FAM171A1: variants seen among roughly 807,000 people sequenced by gnomAD.
FAM171A1 encodes the protein family with sequence similarity 171 member A1.
A neutral mutation model predicts 74.9 loss-of-function variants in FAM171A1; 23 were observed. That is an observed-to-expected ratio of 0.31 (90% CI 0.22 to 0.44). FAM171A1 has a LOEUF of 0.44. FAM171A1 is among the 20% of genes least tolerant of loss of function. The pLI is 1.00. For synonymous variants in FAM171A1, 527 were observed against 505.7 expected, an observed-to-expected ratio of 1.04 and a Z score of -0.57; for missense variants, 1,162 against 1,159.2, an observed-to-expected ratio of 1.00 and a Z score of -0.03.
At chr10:15,355,867 C>T (rs1835926410) in intron 1 of FAM171A1, among the ~76,000 whole-genome samples, 1 of 151,884 alleles carries the variant, frequency 6.6e-6, no homozygotes, top group Non-Finnish European at 1.5e-5. Flanking sequence ...CCTTCTTTAC[C>T]CAGACACACA....
chr10:15,306,832 A>C (rs1835301421), intron 1 of FAM171A1, among the ~76,000 whole-genome samples: 2 of 152,142 alleles, frequency 1.3e-5, no homozygotes, highest in African/African-American at 2.4e-5. Context: ...CTTTTCTTCT[A>C]CTCAATTAGG....
At chr10:15,313,154 G>A (rs1351802069) in intron 1 of FAM171A1, among the ~76,000 whole-genome samples, 1 of 152,170 alleles carries the variant, frequency 6.6e-6, no homozygotes, top group Non-Finnish European at 1.5e-5. Context: ...CCAGGGCACT[G>A]GATGGGAGCA....
Position 15,371,004 on chromosome 10 carries a change from A to G in FAM171A1, c.49T>C (p.Trp17Arg). Residue 17 changes from tryptophan (W) to arginine (R), a missense_variant, in exon 1 of 8, where the codon TGG (tryptophan) becomes CGG (arginine). Transcript: ENST00000378116. The stretch of plus-strand genomic sequence containing the variant: ...CGCAGCGTCTTGGTCACCGCCTTCC[A>G]GACGTGGCAGCCCAGCAGGCACAGC... ...LLLCLLGCHVWKAVTKTLREP... is the reference protein window; with the variant it reads ...LLLCLLGCHVRKAVTKTLREP... The G allele has an allele frequency of 8.4e-7, 1 of 1,189,964 alleles. No homozygotes were observed. Among genetic ancestry groups the G allele is most frequent in the Non-Finnish European group, 1.1e-6 (1 of 937,846 alleles). 73.7% of individuals were successfully genotyped at this position (1,189,964 alleles called of 1,614,324 possible).
In FAM171A1 at chr10:15,235,318, A is replaced by C. The variant is rs931580836; in HGVS notation, c.754+13321T>G. Reference sequence around the variant, plus strand: ...CTCTGTCTCAAAAAAAAAAAAAAAAAAAAAAAAAAAACCTCTGATATCCAG... The same window carrying C: ...CTCTGTCTCAAAAAAAAAAAAAAAACAAAAAAAAAAACCTCTGATATCCAG... On this transcript the variant is annotated intron_variant, in intron 5 of 7. Transcript: ENST00000378116. Among the ~76,000 whole-genome samples, 8 of 151,522 alleles carry C rather than the reference A, an allele frequency of 5.3e-5. No homozygotes were observed. In the South Asian group the frequency reaches 6.3e-4, roughly 12 times the overall value.
chr10:15,370,370 G>A (rs1167496798), intron 1 of FAM171A1, among the ~76,000 whole-genome samples: 1 of 151,958 alleles, frequency 6.6e-6, no homozygotes, highest in African/African-American at 2.4e-5. Context: ...ATAGGCAGGG[G>A]GAGAGAACCC....
intron 1 of FAM171A1, among the ~76,000 whole-genome samples, chr10:15,303,008 G>A (rs959077518): frequency 6.6e-6 from 1 of 152,088 alleles, no homozygotes; most frequent in African/African-American, 2.4e-5. Flanking sequence ...GGCCAATATG[G>A]TGAAACCCCG....
At chr10:15,314,555 G>A (rs1835400944) in intron 1 of FAM171A1, among the ~76,000 whole-genome samples, 1 of 152,200 alleles carries the variant, frequency 6.6e-6, no homozygotes, top group African/African-American at 2.4e-5. Context: ...AGGTGTTCTC[G>A]TTGAAGCAAT....
chr10:15,220,961 A>G lies in FAM171A1; in HGVS notation c.854T>C (p.Met285Thr). Residue 285 changes from methionine (M) to threonine (T), a missense_variant, in exon 6 of 8, where the codon ATG becomes ACG. Met to Thr is a moderately conservative substitution (Grantham distance 81). Transcript: ENST00000378116. The part of the protein sequence containing the change: ...APQLGYWVAA[M>T]SPPIPGPVVT... ...CGTGTTACCTGGGATGGGAGGGGAC[A>G]TGGCGGCCACCCAGTACCCCAACTG... The G allele has an allele frequency of 6.2e-7, 1 of 1,613,802 alleles. No individual in the cohort carries two copies. Among genetic ancestry groups the G allele is most frequent in the Non-Finnish European group, 8.5e-7 (1 of 1,179,866 alleles).
chr10:15,345,971 A>G (rs1170756743), intron 1 of FAM171A1, among the ~76,000 whole-genome samples: 1 of 152,218 alleles, frequency 6.6e-6, no homozygotes, highest in Non-Finnish European at 1.5e-5. Flanking sequence ...GGGAAGGGAC[A>G]GACAGCAGAC....
At chr10:15,270,784 A>G (rs1834813751) in intron 3 of FAM171A1, among the ~76,000 whole-genome samples, 1 of 152,212 alleles carries the variant, frequency 6.6e-6, no homozygotes, top group Admixed American at 6.5e-5. Flanking sequence ...GTGGACCTTT[A>G]GCAAACTCCA....
intron 1 of FAM171A1, among the ~76,000 whole-genome samples, chr10:15,333,512 A>C (rs10796280): frequency 6.6e-6 from 1 of 151,172 alleles, no homozygotes; most frequent in African/African-American, 2.4e-5. Context: ...AAAACAAACA[A>C]ATAGACAACC....
rs1834886816 is a variant in FAM171A1 at position 15,275,884 on chromosome 10, T to A, written c.389A>T (p.Asp130Val). The stretch of plus-strand genomic sequence containing the variant: ...GAATCCTGATACTATTTGGACGACA[T>A]CTTCATATACCATTAGAGTGGCAGA... ...ERSATLMVYE[D>V]VVQIVSGFQG... is the part of the protein sequence containing the mutation. The change falls in exon 3 of 8, where the codon GAT becomes GTT. Residue 130 changes from aspartate (D) to valine (V), a missense_variant. Physicochemically the swap from Asp to Val is radical, Grantham distance 152 (BLOSUM62 -3). Coordinates refer to ENST00000378116, the MANE Select transcript of FAM171A1 (RefSeq NM_001010924.2). The A allele has an allele frequency of 2.5e-6, 4 of 1,611,686 alleles. No individual in the cohort carries two copies. The highest frequency in any genetic ancestry group is 4.5e-5 in the East Asian group (2 of 44,836).
chr10:15,323,176 C>T (rs35878495), intron 1 of FAM171A1, among the ~76,000 whole-genome samples: 46,418 of 148,734 alleles, frequency 0.31, 8,954 homozygotes, highest in East Asian at 0.66. Flanking sequence ...ATTACAGGGC[C>T]GGGTGTGGTG....
rs1421413577 is a variant in FAM171A1 at position 15,275,959 on chromosome 10, A to G, written c.326-12T>C. 2 of 1,588,292 alleles carry G rather than the reference A, an allele frequency of 1.3e-6. No homozygotes were observed. Among genetic ancestry groups the G allele is most frequent in the Non-Finnish European group, 1.7e-6 (2 of 1,160,844 alleles). Reference sequence around the variant, plus strand: ...CAGAGAGGAAAATACTGCAGGAAAAAGAAATGGATAGAAGGGGATTTTAAT... The same window carrying G: ...CAGAGAGGAAAATACTGCAGGAAAAGGAAATGGATAGAAGGGGATTTTAAT... On this transcript the variant is annotated splice_polypyrimidine_tract_variant and intron_variant, in intron 2 of 7. Coordinates refer to ENST00000378116, the MANE Select transcript of FAM171A1 (RefSeq NM_001010924.2).
chr10:15,272,143 C>G (rs1834833644), intron 3 of FAM171A1, among the ~76,000 whole-genome samples: 1 of 152,164 alleles, frequency 6.6e-6, no homozygotes, highest in African/African-American at 2.4e-5. Flanking sequence ...GGAGACCCAT[C>G]TCATGTGCAG....
At chr10:15,246,516 T>C (rs1248723149) in intron 5 of FAM171A1, among the ~76,000 whole-genome samples, 2 of 152,248 alleles carry the variant, frequency 1.3e-5, no homozygotes. Flanking sequence ...AACTGGCTTA[T>C]TTGAAAACTG....
chr10:15,299,544 C>T (rs1038014817), intron 1 of FAM171A1, among the ~76,000 whole-genome samples: 1 of 151,482 alleles, frequency 6.6e-6, no homozygotes, highest in Non-Finnish European at 1.5e-5. Context: ...AAATTACATA[C>T]CTGTTTTGAA....
At chr10:15,357,721 C>T (rs771254107) in intron 1 of FAM171A1, among the ~76,000 whole-genome samples, 1 of 152,072 alleles carries the variant, frequency 6.6e-6, no homozygotes, top group Non-Finnish European at 1.5e-5. Context: ...TTAAAAGGCA[C>T]AGAATATGAT....
At chr10:15,358,140 T>A (rs1835954435) in intron 1 of FAM171A1, among the ~76,000 whole-genome samples, 1 of 152,142 alleles carries the variant, frequency 6.6e-6, no homozygotes, top group Non-Finnish European at 1.5e-5. Flanking sequence ...CATGCCCAGC[T>A]AATTTTTAAA....
Sources: allele counts gnomAD v4.1 joint callset (sites outside exome capture counted in the v4.1 genomes callset), GRCh38; gene constraint gnomAD v4.1.1; transcripts MANE v1.5; gene names NCBI Gene and HGNC (gene_info 2026-07-23, HGNC 2026-07-21).